The following ROBO1 variants were observed in gnomAD, a reference collection of about 807,000 sequenced individuals.
ROBO1 encodes roundabout homolog 1.
A neutral mutation model predicts 195.9 loss-of-function variants in ROBO1; 149 were observed. That is an observed-to-expected ratio of 0.76 (90% CI 0.67 to 0.87). The LOEUF (loss-of-function observed/expected upper bound fraction) is 0.87, where lower values mean the gene tolerates loss of function less well. Ranked by LOEUF, ROBO1 falls within the 40% of genes least tolerant of loss-of-function variation. The pLI is 0.00. For synonymous variants in ROBO1, 816 were observed against 733.2 expected, an observed-to-expected ratio of 1.11 and a Z score of -1.82; for missense variants, 1,933 against 2,068.3, an observed-to-expected ratio of 0.93 and a Z score of 1.27.
At chr3:78,721,591 T>A (rs2082045799) in intron 5 of ROBO1, among the ~76,000 whole-genome samples, 1 of 152,182 alleles carries the variant, frequency 6.6e-6, no homozygotes, top group Admixed American at 6.5e-5. Context: ...TTTAACATTC[T>A]CTTTGTTTTA....
chr3:79,511,074 G>A (rs1368793475), intron 2 of ROBO1, among the ~76,000 whole-genome samples: 1 of 152,010 alleles, frequency 6.6e-6, no homozygotes, highest in Non-Finnish European at 1.5e-5. Context: ...AGATACTCGG[G>A]ATGACCATCA....
intron 2 of ROBO1, among the ~76,000 whole-genome samples, chr3:79,328,355 A>G (rs1454381389): frequency 6.6e-6 from 1 of 152,180 alleles, no homozygotes; most frequent in Non-Finnish European, 1.5e-5. Context: ...CAGTAAGAAC[A>G]TTCGCTAAAT....
chr3:79,732,381 T>A lies in ROBO1; in HGVS notation c.-51+35371A>T, dbSNP rs186045485. 2.0e-5 allele frequency among the ~76,000 whole-genome samples: 3 copies of A among 152,152 alleles called. No individual in the cohort carries two copies. The East Asian group carries it at 5.8e-4, about 29-fold the overall frequency. On this transcript the variant is annotated intron_variant, in intron 1 of 30. Coordinates refer to ENST00000464233, the MANE Select transcript of ROBO1 (RefSeq NM_002941.4). ...GATATTAATATACTTTGTTTAAAATTATTTTCTTAAATTGTTATTTTATGA... is the reference window on the plus strand; with the variant it reads ...GATATTAATATACTTTGTTTAAAATAATTTTCTTAAATTGTTATTTTATGA...
chr3:78,864,026 G>T (rs536619234), intron 4 of ROBO1, among the ~76,000 whole-genome samples: 2 of 152,202 alleles, frequency 1.3e-5, no homozygotes, highest in African/African-American at 4.8e-5. Context: ...AGGGCCTTCA[G>T]ATAGCTTGCT....
chr3:79,194,656 C>T (rs2108763429), intron 2 of ROBO1, among the ~76,000 whole-genome samples: 1 of 151,700 alleles, frequency 6.6e-6, no homozygotes, highest in Admixed American at 6.6e-5. Flanking sequence ...ATCTGAAATT[C>T]CAAATGGCAT....
At chr3:79,370,864 G>C (rs1019688396) in intron 2 of ROBO1, among the ~76,000 whole-genome samples, 1 of 151,692 alleles carries the variant, frequency 6.6e-6, no homozygotes, top group East Asian at 1.9e-4. Context: ...TGGTCCCAGT[G>C]TGTGATGTTC....
In ROBO1 at chr3:79,589,204, C is replaced by G. The variant is rs73120813; in HGVS notation, c.88+620G>C. On this transcript the variant is annotated intron_variant, in intron 2 of 30. Coordinates refer to ENST00000464233, the MANE Select transcript of ROBO1 (RefSeq NM_002941.4). ...CAATATATTTTTGTATTTTCTGCTACCATACATTGGACCTAATTAATTCCT... is the reference window on the plus strand; with the variant it reads ...CAATATATTTTTGTATTTTCTGCTAGCATACATTGGACCTAATTAATTCCT... 4.0e-3 allele frequency among the ~76,000 whole-genome samples: 611 copies of G among 151,614 alleles called. 4 individuals carry two copies. Among genetic ancestry groups the G allele is most frequent in the Non-Finnish European group, 4.3e-3 (294 of 67,692 alleles).
chr3:79,082,953 T>C (rs2079301642), intron 3 of ROBO1, among the ~76,000 whole-genome samples: 1 of 152,182 alleles, frequency 6.6e-6, no homozygotes, highest in African/African-American at 2.4e-5. Flanking sequence ...TATCATGCAG[T>C]TGATTTCTAA....
intron 2 of ROBO1, among the ~76,000 whole-genome samples, chr3:79,414,865 G>T (rs1269332954): frequency 6.6e-6 from 1 of 152,032 alleles, no homozygotes; most frequent in Non-Finnish European, 1.5e-5. Flanking sequence ...TTATGAATTG[G>T]TTCAAAGCCA....
chr3:78,639,014 T>C (rs1472543320), intron 22 of ROBO1, among the ~76,000 whole-genome samples: 1 of 151,720 alleles, frequency 6.6e-6, no homozygotes, highest in African/African-American at 2.4e-5. Flanking sequence ...GGTGTGGTGT[T>C]GTGTGACTAC....
intron 1 of ROBO1, among the ~76,000 whole-genome samples, chr3:79,722,774 C>T (rs1702760208): frequency 6.6e-6 from 1 of 152,074 alleles, no homozygotes; most frequent in East Asian, 1.9e-4. Context: ...GTTTTGATGG[C>T]TTATATATAC....
intron 4 of ROBO1, among the ~76,000 whole-genome samples, chr3:78,892,629 G>T (rs2036973267): frequency 6.6e-6 from 1 of 152,150 alleles, no homozygotes; most frequent in African/African-American, 2.4e-5. Flanking sequence ...AGTTCCAAAT[G>T]AAAGGCTAAA....
intron 2 of ROBO1, among the ~76,000 whole-genome samples, chr3:79,177,773 T>C (rs1245386642): frequency 6.6e-6 from 1 of 152,236 alleles, no homozygotes; most frequent in Non-Finnish European, 1.5e-5. Flanking sequence ...TGGCTTCTGC[T>C]GCCTAGGGTC....
At chr3:78,837,526 G>A (rs1366250885) in intron 4 of ROBO1, among the ~76,000 whole-genome samples, 4 of 152,032 alleles carry the variant, frequency 2.6e-5, no homozygotes, top group Non-Finnish European at 4.4e-5. Context: ...GAGAAAAAAT[G>A]CTGTCAAAAT....
chr3:79,091,374 T>C (rs1413866066), intron 3 of ROBO1, among the ~76,000 whole-genome samples: 1 of 151,972 alleles, frequency 6.6e-6, no homozygotes, highest in Non-Finnish European at 1.5e-5. Flanking sequence ...AGTAAATATA[T>C]GGAGAAAAAA....
chr3:78,757,011 C>T (rs1251118657), intron 4 of ROBO1, among the ~76,000 whole-genome samples: 1 of 152,174 alleles, frequency 6.6e-6, no homozygotes, highest in African/African-American at 2.4e-5. Flanking sequence ...CCTGCCTCAG[C>T]CTCCCAAGTA....
intron 1 of ROBO1, among the ~76,000 whole-genome samples, chr3:79,738,384 C>A (rs754713759): frequency 1.1e-4 from 17 of 152,106 alleles, no homozygotes; most frequent in Non-Finnish European, 2.1e-4. Flanking sequence ...TGATATAAAT[C>A]AATGTTGTGC....
intron 3 of ROBO1, among the ~76,000 whole-genome samples, chr3:79,052,006 A>G (rs2078708908): frequency 6.6e-6 from 1 of 152,124 alleles, no homozygotes; most frequent in Non-Finnish European, 1.5e-5. Context: ...GAACAATATG[A>G]AATCTGGGCA....
chr3:79,402,187 A>C (rs560126100), intron 2 of ROBO1, among the ~76,000 whole-genome samples: 2 of 152,010 alleles, frequency 1.3e-5, no homozygotes, highest in South Asian at 4.1e-4. Context: ...ACAAATAATA[A>C]ATTTGTGACT....
Sources: gnomAD v4.1 joint callset for allele counts (sites outside exome capture counted in the v4.1 genomes callset) on GRCh38, gnomAD v4.1.1 for gene constraint, MANE v1.5 for transcripts, NCBI Gene and HGNC (gene_info 2026-07-23, HGNC 2026-07-21) for gene names.